Variants in PRKG2 observed in about 807,000 individuals in gnomAD.
PRKG2 encodes protein kinase cGMP-dependent 2.
In PRKG2, 33 loss-of-function variants were observed where a neutral mutation model predicts 97.2. That is an observed-to-expected ratio of 0.34 (90% CI 0.26 to 0.45). The LOEUF (loss-of-function observed/expected upper bound fraction) is 0.45, where lower values mean the gene tolerates loss of function less well. Ranked by LOEUF, PRKG2 falls within the 20% of genes least tolerant of loss-of-function variation. The probability of loss-of-function intolerance (pLI) is 1.00; values close to 1 mark genes in which losing one functional copy is unlikely to be tolerated. For missense variants in PRKG2, 638 were observed against 900.0 expected (o/e 0.71, Z 3.73); for synonymous variants, 330 against 321.8 (o/e 1.03, Z -0.27).
intron 2 of PRKG2, among the ~76,000 whole-genome samples, chr4:81,178,200 C>A (rs936271982): frequency 2.6e-5 from 4 of 151,576 alleles, no homozygotes; most frequent in Non-Finnish European, 4.4e-5. Flanking sequence ...ACCAAACCAA[C>A]AAAACCCTAT....
At position 81,087,777 on chromosome 4, in the gene PRKG2, A is replaced by G. The variant is rs892306039; in HGVS notation, c.*1931T>C. The G allele has an allele frequency of 2.0e-5, 3 of 152,154 alleles. No individual in the cohort carries two copies. The highest frequency in any genetic ancestry group is 7.2e-5 in the African/African-American group (3 of 41,462). 9.4% of individuals were successfully genotyped at this position (152,154 alleles called of 1,614,324 possible). A position where few individuals can be genotyped will look rare whatever the true frequency, so the allele number is the denominator to read the frequency against. ...TTCATCTTTTAAAGTACTCTAAGGA[A>G]ACAATAAAAAATCACATGGGAGGAT... On this transcript the variant is annotated 3_prime_UTR_variant, in exon 19 of 19. Transcript: ENST00000264399.
At chr4:81,152,174 C>T in intron 7 of PRKG2, 120 bp from the exon 8 acceptor site, 1 of 731,028 alleles carries the variant, frequency 1.4e-6, no homozygotes, top group Admixed American at 2.9e-5. Context: ...AAAGACAATA[C>T]TTTGTTTTAA....
chr4:81,216,822 G>A (rs184839136), upstream of PRKG2, among the ~76,000 whole-genome samples: 223 of 150,886 alleles, frequency 1.5e-3, no homozygotes, highest in African/African-American at 5.1e-3. Context: ...TAGGATAATG[G>A]CCTCTAGTTC....
At chr4:81,183,432 C>G (rs1321637587) in intron 2 of PRKG2, among the ~76,000 whole-genome samples, 1 of 152,112 alleles carries the variant, frequency 6.6e-6, no homozygotes, top group East Asian at 1.9e-4. Context: ...TGAGGGACTG[C>G]ACCATGAGGA....
chr4:81,154,979 C>G (rs1748881370), intron 6 of PRKG2, among the ~76,000 whole-genome samples: 1 of 151,926 alleles, frequency 6.6e-6, no homozygotes, highest in Non-Finnish European at 1.5e-5. Flanking sequence ...TCGAGACCAT[C>G]CCGGCTAACA....
At chr4:81,134,494 C>T (rs573903423) in intron 14 of PRKG2, among the ~76,000 whole-genome samples, 4 of 152,266 alleles carry the variant, frequency 2.6e-5, no homozygotes, top group African/African-American at 4.8e-5. Context: ...AGGCCCAAGG[C>T]GCCTTGCTTT....
At position 81,204,672 on chromosome 4, in the gene PRKG2, ACACGCCAG is replaced by A; in HGVS notation, c.368_375del (p.Ala123ValfsTer3). 6.2e-7 allele frequency: 1 copy of A among 1,614,190 alleles called. No individual in the cohort carries two copies. Among genetic ancestry groups the A allele is most frequent in the Non-Finnish European group, 8.5e-7 (1 of 1,180,022 alleles). On this transcript the variant is annotated frameshift_variant, in exon 2 of 19. Transcript: ENST00000264399. LOFTEE classifies it high-confidence loss of function. ...TAGGTCCGGGTTGTTGGCTCAGCAG[ACACGCCAG>A]CCTTTGCTCCCCTCCTGCTATGGAG...
At chr4:81,110,403 G>A (rs746456957) in intron 15 of PRKG2, 45 bp downstream of exon 15, 24 of 1,562,150 alleles carry the variant, frequency 1.5e-5, no homozygotes, top group Non-Finnish European at 2.1e-5. Flanking sequence ...GGTTATTTTT[G>A]CATTTCTCTG....
At chr4:81,127,122 G>C (rs902963934) in intron 14 of PRKG2, among the ~76,000 whole-genome samples, 4 of 152,124 alleles carry the variant, frequency 2.6e-5, no homozygotes, top group Non-Finnish European at 5.9e-5. Context: ...ATTGATTAGG[G>C]AATCCTTTCC....
rs966786904 is a variant in PRKG2, at chr4:81,204,911, T to C, written c.137A>G (p.Glu46Gly). 4 of 1,614,202 alleles carry C rather than the reference T, an allele frequency of 2.5e-6. No individual in the cohort carries two copies. Among genetic ancestry groups the C allele is most frequent in the South Asian group, 1.1e-5 (1 of 91,080 alleles). ...ELRRKDAEIQ[E>G]REYHLKELRE... ...CAGCTCCTTCAAATGGTACTCCCGC[T>C]CCTGGATCTCAGCATCCTTCCTCCT... Residue 46 changes from glutamate to glycine, a missense_variant, in exon 2 of 19, where the codon GAG (glutamate) becomes GGG (glycine). Glu to Gly is a moderately conservative substitution (Grantham distance 98). Around this residue, in one of 3 missense-constraint regions of PRKG2, gnomAD observed 332 missense variants for 421.7 expected, o/e 0.79. Coordinates refer to ENST00000264399, the MANE Select transcript of PRKG2 (RefSeq NM_006259.3).
chr4:81,179,597 G>A (rs894639946), intron 2 of PRKG2, among the ~76,000 whole-genome samples: 3 of 152,126 alleles, frequency 2.0e-5, no homozygotes, highest in Admixed American at 6.5e-5. Flanking sequence ...ATAAATCTAT[G>A]GGTGATTAAA....
intron 1 of PRKG2, 43 bp from the exon 2 acceptor site, chr4:81,205,103 T>TTGA: frequency 8.2e-7 from 1 of 1,223,550 alleles, no homozygotes; most frequent in Non-Finnish European, 1.1e-6. Context: ...GGAGTTTCAC[T>TTGA]TCCCAACAGT....
intron 2 of PRKG2, among the ~76,000 whole-genome samples, chr4:81,184,689 CCT>C (rs1207312578): frequency 2.0e-5 from 3 of 152,064 alleles, no homozygotes; most frequent in African/African-American, 7.2e-5. Flanking sequence ...ATAACAAAAT[CCT>C]CTGAGATAAG....
intron 15 of PRKG2, among the ~76,000 whole-genome samples, chr4:81,106,753 C>A (rs910525443): frequency 6.6e-6 from 1 of 152,074 alleles, no homozygotes; most frequent in Non-Finnish European, 1.5e-5. Context: ...GGAGGTGAGG[C>A]CTGTGGGAGG....
intron 18 of PRKG2, 111 bp downstream of exon 18, chr4:81,092,275 A>T: frequency 3.2e-6 from 2 of 616,486 alleles, no homozygotes; most frequent in Non-Finnish European, 5.2e-6. Flanking sequence ...ACTGCTTTAA[A>T]AAAAAACACC....
intron 14 of PRKG2, among the ~76,000 whole-genome samples, chr4:81,115,017 G>C (rs1744371435): frequency 6.6e-6 from 1 of 151,936 alleles, no homozygotes; most frequent in South Asian, 2.1e-4. Flanking sequence ...GATTAACATA[G>C]CATGAATTTT....
intron 2 of PRKG2, among the ~76,000 whole-genome samples, chr4:81,195,770 T>C (rs1752921192): frequency 6.6e-6 from 1 of 152,218 alleles, no homozygotes; most frequent in South Asian, 2.1e-4. Flanking sequence ...CATTCATCTG[T>C]TGACGGACAC....
Position 81,132,418 on chromosome 4 carries a change from A to G in PRKG2, c.1776+2737T>C, listed in dbSNP as rs73832617. 3.8e-3 allele frequency among the ~76,000 whole-genome samples: 574 copies of G among 152,306 alleles called. 6 individuals carry two copies. The highest frequency in any genetic ancestry group is 0.014 in the African/African-American group (562 of 41,570). Reference sequence around the variant, plus strand: ...CTAATTTGCTAAGACCTCTATTACAATGTTAAATACAAGTGATAAGAGGAG... The same window carrying G: ...CTAATTTGCTAAGACCTCTATTACAGTGTTAAATACAAGTGATAAGAGGAG... On this transcript the variant is annotated intron_variant, in intron 14 of 18. Transcript: ENST00000264399.
intron 14 of PRKG2, among the ~76,000 whole-genome samples, chr4:81,111,441 TATACATGATTAATATTATATCATGTA>T (rs1256500968): frequency 6.6e-6 from 1 of 151,572 alleles, no homozygotes; most frequent in Non-Finnish European, 1.5e-5. Context: ...TATATCATGT[TATACATGATTAATATTATATCATGTA>T]ATACATGATA....
Sources: allele counts gnomAD v4.1 joint callset (sites outside exome capture counted in the v4.1 genomes callset), GRCh38; gene constraint gnomAD v4.1.1; regional missense constraint gnomAD v4.1.1; transcripts MANE v1.5; gene names NCBI Gene and HGNC (gene_info 2026-07-23, HGNC 2026-07-21).